The following OLFM3 variants were observed in gnomAD, a reference collection of about 807,000 sequenced individuals.
OLFM3 encodes olfactomedin 3, also known as noelin-3.
Under a neutral mutation model 48.6 loss-of-function variants are expected in OLFM3, and 20 were observed. The observed-to-expected ratio is 0.41, with a 90% CI of 0.29 to 0.60. The LOEUF is 0.60. OLFM3 is among the 20% of genes least tolerant of loss of function. The pLI, the probability that OLFM3 is intolerant of heterozygous loss-of-function variation, is 0.28. For synonymous variants in OLFM3, 222 were observed against 198.1 expected (o/e 1.12, Z -1.01); for missense variants, 437 against 544.3 (o/e 0.80, Z 1.96).
intron 1 of OLFM3, among the ~76,000 whole-genome samples, chr1:101,900,989 A>C (rs894311876): frequency 1.3e-5 from 2 of 152,204 alleles, no homozygotes; most frequent in South Asian, 4.1e-4. Context: ...ATTCTCTATG[A>C]CCTTTCTATT....
At chr1:101,940,444 A>C (rs138381611) in intron 1 of OLFM3, among the ~76,000 whole-genome samples, 1 of 146,602 alleles carries the variant, frequency 6.8e-6, no homozygotes, top group Non-Finnish European at 1.5e-5. Context: ...ATTTTTATCT[A>C]TCTATCTTTC....
intron 4 of OLFM3, among the ~76,000 whole-genome samples, chr1:101,813,511 T>C (rs1654174546): frequency 6.6e-6 from 1 of 152,198 alleles, no homozygotes; most frequent in African/African-American, 2.4e-5. Flanking sequence ...GATTTGTTCC[T>C]GCACACGTGT....
At chr1:101,901,508 G>A (rs544402730) in intron 1 of OLFM3, among the ~76,000 whole-genome samples, 2 of 152,174 alleles carry the variant, frequency 1.3e-5, no homozygotes, top group South Asian at 2.1e-4. Flanking sequence ...GGACTTAAAT[G>A]AGTCTGAAAG....
intron 1 of OLFM3, 70 bp from the exon 2 acceptor site, chr1:101,837,095 C>A: frequency 1.4e-6 from 2 of 1,444,690 alleles, no homozygotes; most frequent in South Asian, 1.3e-5. Flanking sequence ...TGGTTTGTAG[C>A]ATTTCAAGTA....
chr1:101,950,142 T>C (rs958283962), intron 1 of OLFM3, among the ~76,000 whole-genome samples: 2 of 152,164 alleles, frequency 1.3e-5, no homozygotes, highest in African/African-American at 2.4e-5. Context: ...TCTCAGCTAC[T>C]TTCTTAATAT....
At chr1:101,973,777 G>C (rs1660874175) in intron 1 of OLFM3, among the ~76,000 whole-genome samples, 2 of 152,164 alleles carry the variant, frequency 1.3e-5, no homozygotes, top group African/African-American at 4.8e-5. Context: ...ATAGTAGAAA[G>C]TATCAAGAAG....
At chr1:101,870,015 C>T (rs1340772006) in intron 1 of OLFM3, among the ~76,000 whole-genome samples, 1 of 152,028 alleles carries the variant, frequency 6.6e-6, no homozygotes, top group Non-Finnish European at 1.5e-5. Flanking sequence ...AAATAATTGA[C>T]CAGCTAAAAT....
intron 2 of OLFM3, among the ~76,000 whole-genome samples, chr1:101,833,461 G>A (rs1326705066): frequency 6.6e-6 from 1 of 152,172 alleles, no homozygotes; most frequent in Non-Finnish European, 1.5e-5. Flanking sequence ...GAATACCCAT[G>A]ACGACATGAG....
intron 1 of OLFM3, among the ~76,000 whole-genome samples, chr1:101,969,573 C>G (rs1306199208): frequency 6.6e-6 from 1 of 152,072 alleles, no homozygotes; most frequent in Non-Finnish European, 1.5e-5. Context: ...TTTAAATAAT[C>G]AATTTTCTTC....
intron 1 of OLFM3, among the ~76,000 whole-genome samples, chr1:101,896,743 G>T (rs561759733): frequency 2.1e-5 from 3 of 141,288 alleles, no homozygotes; most frequent in Non-Finnish European, 3.0e-5. Flanking sequence ...CTTGTGATCC[G>T]CCCGCCTCGG....
chr1:101,900,652 A>G (rs540157414), intron 1 of OLFM3, among the ~76,000 whole-genome samples: 4 of 152,062 alleles, frequency 2.6e-5, no homozygotes, highest in East Asian at 3.9e-4. Context: ...GATAAAGTAG[A>G]AAAAAAATGG....
At chr1:101,816,042 A>G (rs1282310417) in intron 4 of OLFM3, among the ~76,000 whole-genome samples, 2 of 152,206 alleles carry the variant, frequency 1.3e-5, no homozygotes, top group African/African-American at 4.8e-5. Flanking sequence ...AAAAGAAGAA[A>G]GTGTTTTAAG....
chr1:101,908,279 CT>C (rs1473330253), intron 1 of OLFM3, among the ~76,000 whole-genome samples: 1 of 152,148 alleles, frequency 6.6e-6, no homozygotes, highest in Non-Finnish European at 1.5e-5. Flanking sequence ...CCATATTGTT[CT>C]TGATTATGCC....
intron 1 of OLFM3, among the ~76,000 whole-genome samples, chr1:101,854,330 T>C (rs1447158799): frequency 6.6e-6 from 1 of 152,014 alleles, no homozygotes; most frequent in Non-Finnish European, 1.5e-5. Flanking sequence ...TACTCACTAA[T>C]GAAAGAATGA....
chr1:101,991,464 A>T lies in OLFM3; in HGVS notation c.69+5284T>A, dbSNP rs188692034. Among the ~76,000 whole-genome samples, 5 of 152,176 alleles carry T rather than the reference A, an allele frequency of 3.3e-5. No individual in the cohort carries two copies. The East Asian group carries it at 9.6e-4, about 29-fold the overall frequency. On this transcript the variant is annotated intron_variant, in intron 1 of 5. Coordinates refer to ENST00000370103, the MANE Select transcript of OLFM3 (RefSeq NM_058170.4). ...CGCTTTTTTCTTTATACATTTTCTT[A>T]GTACAAAAATTGAAGCTTTAAAAAT...
At chr1:101,906,096 C>T (rs1285493051) in intron 1 of OLFM3, among the ~76,000 whole-genome samples, 1 of 152,026 alleles carries the variant, frequency 6.6e-6, no homozygotes, top group Non-Finnish European at 1.5e-5. Flanking sequence ...ATCCTTTTCT[C>T]CACAAACTGA....
At chr1:101,862,647 T>C (rs1458377802) in intron 1 of OLFM3, among the ~76,000 whole-genome samples, 1 of 152,208 alleles carries the variant, frequency 6.6e-6, no homozygotes, top group African/African-American at 2.4e-5. Flanking sequence ...CACAATCACC[T>C]GTTGCCTTTG....
intron 1 of OLFM3, among the ~76,000 whole-genome samples, chr1:101,940,956 A>G (rs1035883086): frequency 6.6e-6 from 1 of 152,132 alleles, no homozygotes; most frequent in African/African-American, 2.4e-5. Context: ...CTGAATCTGT[A>G]CTGGTGGATA....
chr1:101,943,993 G>A (rs10782861), intron 1 of OLFM3, among the ~76,000 whole-genome samples: 60,425 of 150,382 alleles, frequency 0.4, 12,421 homozygotes, highest in East Asian at 0.51. Context: ...AGAATATTCC[G>A]TTGAAAGTTG....
Sources: gnomAD v4.1 joint callset for allele counts (sites outside exome capture counted in the v4.1 genomes callset) on GRCh38, gnomAD v4.1.1 for gene constraint, MANE v1.5 for transcripts, NCBI Gene and HGNC (gene_info 2026-07-23, HGNC 2026-07-21) for gene names.